The following DNM3 variants were observed in gnomAD, a reference collection of about 807,000 sequenced individuals.
DNM3 encodes the protein dynamin-3.
DNM3 carries 47 observed loss-of-function variants against 101.6 expected under a neutral mutation model. The observed-to-expected ratio is 0.46, with a 90% CI of 0.37 to 0.59. The LOEUF (loss-of-function observed/expected upper bound fraction) is 0.59. Ranked by LOEUF, DNM3 falls within the 20% of genes least tolerant of loss-of-function variation. DNM3 has a pLI of 0.00. For synonymous variants in DNM3, 385 were observed against 387.9 expected (o/e 0.99, Z 0.09); for missense variants, 849 against 1,085.7 (o/e 0.78, Z 3.06).
chr1:172,191,930 T>G (rs569179), intron 14 of DNM3, among the ~76,000 whole-genome samples: 74,378 of 151,838 alleles, frequency 0.49, 19,909 homozygotes, highest in African/African-American at 0.71. Context: ...AGATGACGGG[T>G]TTTTCTAAAT....
chr1:172,189,761 G>T (rs937915742), intron 14 of DNM3, among the ~76,000 whole-genome samples: 2 of 151,980 alleles, frequency 1.3e-5, no homozygotes, highest in African/African-American at 4.8e-5. Flanking sequence ...TCTGGTGAGG[G>T]TCTCAGGAAG....
At chr1:172,194,137 G>A (rs1300406601) in intron 14 of DNM3, among the ~76,000 whole-genome samples, 1 of 152,178 alleles carries the variant, frequency 6.6e-6, no homozygotes. Context: ...TCATTCAGGA[G>A]CAGGTTGTTC....
intron 4 of DNM3, among the ~76,000 whole-genome samples, chr1:171,991,351 T>C (rs1558385804): frequency 2.0e-5 from 3 of 152,172 alleles, no homozygotes; most frequent in Non-Finnish European, 4.4e-5. Flanking sequence ...TACCCTGTGC[T>C]CTGACTGACT....
At chr1:171,866,331 A>C (rs1358540121) in intron 1 of DNM3, among the ~76,000 whole-genome samples, 1 of 152,024 alleles carries the variant, frequency 6.6e-6, no homozygotes, top group Non-Finnish European at 1.5e-5. Flanking sequence ...ACTACTTCCC[A>C]GCATAATTTT....
intron 17 of DNM3, among the ~76,000 whole-genome samples, chr1:172,359,934 C>T (rs757276552): frequency 6.1e-4 from 93 of 152,038 alleles, no homozygotes; most frequent in Non-Finnish European, 2.2e-4. Flanking sequence ...ATAACCTTTG[C>T]CCTATTTTCC....
At chr1:172,208,312 T>C (rs186830278) in intron 14 of DNM3, among the ~76,000 whole-genome samples, 16 of 152,262 alleles carry the variant, frequency 1.1e-4, no homozygotes. Flanking sequence ...GATGTGATGA[T>C]TAATTTTATG....
chr1:171,846,714 G>C (rs1049159640), intron 1 of DNM3, among the ~76,000 whole-genome samples: 4 of 152,144 alleles, frequency 2.6e-5, no homozygotes, highest in Admixed American at 2.0e-4. Flanking sequence ...TTAATTTTCT[G>C]CATGGCCAAA....
chr1:171,951,875 C>G (rs1397771173), intron 2 of DNM3, among the ~76,000 whole-genome samples: 1 of 152,138 alleles, frequency 6.6e-6, no homozygotes, highest in African/African-American at 2.4e-5. Context: ...TAGGGAGATA[C>G]AAATTGTAGG....
chr1:171,860,751 G>A (rs2034091206), intron 1 of DNM3, among the ~76,000 whole-genome samples: 1 of 151,058 alleles, frequency 6.6e-6, no homozygotes, highest in Non-Finnish European at 1.5e-5. Flanking sequence ...GAAGTATAAA[G>A]AGTCTACAAA....
In DNM3 at chr1:172,038,346, C is replaced by T. The variant is rs2049118585; in HGVS notation, c.877C>T (p.Leu293=). The T allele has an allele frequency of 1.2e-6, 2 of 1,613,218 alleles. No individual in the cohort carries two copies. Among genetic ancestry groups the T allele is most frequent in the Non-Finnish European group, 1.7e-6 (2 of 1,179,552 alleles). The change falls in exon 7 of 21, where the codon CTA becomes TTA. Residue 293 remains leucine, a synonymous_variant. Coordinates refer to ENST00000627582, the MANE Select transcript of DNM3 (RefSeq NM_015569.5). ...ACTTACCAACCACATTCGGGATACC[C>T]TACCAAACTTCAGGAACAAACTACA... ...QQLTNHIRDT[L]PNFRNKLQGQ...
chr1:172,346,609 T>A (rs1380257424), intron 17 of DNM3, among the ~76,000 whole-genome samples: 1 of 152,104 alleles, frequency 6.6e-6, no homozygotes, highest in African/African-American at 2.4e-5. Flanking sequence ...ACTTCTGTTT[T>A]AAACAGAAGG....
At chr1:171,972,777 AG>A (rs1292641503) in intron 2 of DNM3, among the ~76,000 whole-genome samples, 2 of 152,066 alleles carry the variant, frequency 1.3e-5, no homozygotes, top group African/African-American at 4.8e-5. Flanking sequence ...TGAACTCGGG[AG>A]GTGGAAGTTG....
At chr1:171,906,883 T>TTA (rs1346186527) in intron 1 of DNM3, among the ~76,000 whole-genome samples, 1 of 152,214 alleles carries the variant, frequency 6.6e-6, no homozygotes, top group African/African-American at 2.4e-5. Flanking sequence ...ATCATGAGAT[T>TTA]TAGAGAGACG....
intron 9 of DNM3, among the ~76,000 whole-genome samples, chr1:172,045,002 G>A (rs962281304): frequency 1.3e-4 from 2 of 15,606 alleles, no homozygotes; most frequent in Admixed American, 9.3e-4. Context: ...ATGGAATGGA[G>A]GTTGTTGAGG....
intron 4 of DNM3, among the ~76,000 whole-genome samples, chr1:172,012,331 T>A (rs749882048): frequency 4.6e-5 from 7 of 152,004 alleles, no homozygotes; most frequent in Non-Finnish European, 8.8e-5. Flanking sequence ...ATGGACCAAC[T>A]CTAAAAGTGG....
At chr1:171,937,196 G>A (rs1489929701) in intron 2 of DNM3, among the ~76,000 whole-genome samples, 4 of 151,682 alleles carry the variant, frequency 2.6e-5, no homozygotes, top group African/African-American at 4.8e-5. Context: ...TACATTTCTC[G>A]CTTTGTTTTA....
intron 6 of DNM3, among the ~76,000 whole-genome samples, chr1:172,034,762 A>G (rs542514254): frequency 5.3e-5 from 8 of 152,266 alleles, no homozygotes; most frequent in South Asian, 4.1e-4. Flanking sequence ...CTGGAAAATG[A>G]CATGACGTTT....
intron 13 of DNM3, among the ~76,000 whole-genome samples, chr1:172,111,044 AAAATT>A (rs1466016713): frequency 6.6e-5 from 10 of 152,258 alleles, no homozygotes; most frequent in African/African-American, 2.4e-4. Flanking sequence ...TCAAAAAAAT[AAAATT>A]AAATTAAATA....
intron 4 of DNM3, among the ~76,000 whole-genome samples, chr1:172,000,296 G>T (rs1037678196): frequency 2.0e-5 from 3 of 152,074 alleles, no homozygotes; most frequent in African/African-American, 7.2e-5. Flanking sequence ...AAATGTGGCT[G>T]AGAGATAGAG....
Sources: gnomAD v4.1 joint callset for allele counts (sites outside exome capture counted in the v4.1 genomes callset) on GRCh38, gnomAD v4.1.1 for gene constraint, MANE v1.5 for transcripts, NCBI Gene and HGNC (gene_info 2026-07-23, HGNC 2026-07-21) for gene names.